Variants in NRXN3 observed in about 807,000 individuals in gnomAD.
NRXN3 encodes neurexin III.
In NRXN3, 32 loss-of-function variants were observed where a neutral mutation model predicts 137.6. The observed-to-expected ratio is 0.23, with a 90% confidence interval of 0.18 to 0.31. NRXN3 has a LOEUF of 0.31. Among genes scored for constraint, NRXN3 ranks in the 10% least tolerant of loss-of-function variants. NRXN3 has a pLI of 1.00. For synonymous variants in NRXN3, 798 were observed against 784.5 expected, an observed-to-expected ratio of 1.02 and a Z score of -0.29; for missense variants, 1,574 against 2,062.5, an observed-to-expected ratio of 0.76 and a Z score of 4.59.
chr14:79,674,295 A>G (rs896395297), intron 17 of NRXN3, among the ~76,000 whole-genome samples: 1 of 151,976 alleles, frequency 6.6e-6, no homozygotes, highest in African/African-American at 2.4e-5. Flanking sequence ...GGGATGATTG[A>G]TAGGCAAAAA....
intron 10 of NRXN3, among the ~76,000 whole-genome samples, chr14:78,901,507 G>C (rs1412175023): frequency 6.6e-6 from 1 of 151,770 alleles, no homozygotes; most frequent in African/African-American, 2.4e-5. Flanking sequence ...ATGTGACCTG[G>C]GTAAAACATA....
intron 10 of NRXN3, among the ~76,000 whole-genome samples, chr14:78,897,741 T>C (rs1443426491): frequency 3.3e-5 from 5 of 151,956 alleles, no homozygotes; most frequent in African/African-American, 1.2e-4. Flanking sequence ...TTCTTGCACC[T>C]ATAAATTATT....
chr14:78,464,219 AT>A (rs1180282846), intron 4 of NRXN3, among the ~76,000 whole-genome samples: 3 of 151,446 alleles, frequency 2.0e-5, no homozygotes, highest in African/African-American at 7.3e-5. Flanking sequence ...TGTCCAGCTA[AT>A]TTTTTTTGTA....
chr14:79,239,679 G>C (rs141427594), intron 15 of NRXN3, among the ~76,000 whole-genome samples: 4 of 152,114 alleles, frequency 2.6e-5, no homozygotes, highest in African/African-American at 9.7e-5. Flanking sequence ...TGAAATCAGC[G>C]TGTCTAAATG....
At chr14:79,119,034 A>G (rs1033901454) in intron 15 of NRXN3, among the ~76,000 whole-genome samples, 7 of 152,202 alleles carry the variant, frequency 4.6e-5, no homozygotes, top group Admixed American at 2.0e-4. Flanking sequence ...ATATCTGAAG[A>G]CCAAAACTTT....
rs116040268 is a variant in NRXN3 at position 79,385,714 on chromosome 14, C to A, written c.3263-81507C>A. 7.8e-3 allele frequency among the ~76,000 whole-genome samples: 1,187 copies of A among 152,216 alleles called. 17 individuals carry two copies. Among genetic ancestry groups the A allele is most frequent in the African/African-American group, 0.026 (1,082 of 41,536 alleles). On this transcript the variant is annotated intron_variant, in intron 15 of 20. Coordinates refer to ENST00000335750, the MANE Select transcript of NRXN3 (RefSeq NM_001330195.2). ...CATTTACCTATATAACAAACCTGCA[C>A]ATAGTGTACATGTACCCCTGAACTT...
chr14:78,805,047 A>G (rs1382175420), intron 9 of NRXN3, among the ~76,000 whole-genome samples: 2 of 152,220 alleles, frequency 1.3e-5, no homozygotes, highest in Non-Finnish European at 2.9e-5. Context: ...TTTTGAATCC[A>G]TACCAATCTT....
intron 4 of NRXN3, among the ~76,000 whole-genome samples, chr14:78,575,846 G>T (rs1336772090): frequency 3.3e-5 from 5 of 152,138 alleles, no homozygotes; most frequent in African/African-American, 1.2e-4. Flanking sequence ...ACCAAAGCAA[G>T]ATGTTCAGGA....
chr14:78,797,517 T>A (rs2098825724), intron 8 of NRXN3, among the ~76,000 whole-genome samples: 1 of 152,182 alleles, frequency 6.6e-6, no homozygotes, highest in Non-Finnish European at 1.5e-5. Flanking sequence ...ATTCATCAAG[T>A]AGATAATAAA....
chr14:78,552,539 G>A (rs773788798), intron 4 of NRXN3, among the ~76,000 whole-genome samples: 13 of 152,130 alleles, frequency 8.5e-5, no homozygotes, highest in Non-Finnish European at 1.3e-4. Flanking sequence ...GATGGTGCAC[G>A]CCTGTAGCCC....
chr14:79,738,315 CCACACACACACA>C (rs10539564), intron 19 of NRXN3, among the ~76,000 whole-genome samples: 30 of 138,052 alleles, frequency 2.2e-4, no homozygotes, highest in African/African-American at 6.3e-4. Flanking sequence ...ATTTCCCCCG[CCACACACACACA>C]CACACACACA....
intron 1 of NRXN3, among the ~76,000 whole-genome samples, chr14:78,215,220 C>T (rs1341688885): frequency 6.6e-6 from 1 of 152,148 alleles, no homozygotes; most frequent in African/African-American, 2.4e-5. Context: ...TCCCCCTGAC[C>T]CTGTAGATGA....
intron 20 of NRXN3, among the ~76,000 whole-genome samples, chr14:79,808,256 ATAT>A (rs1395069182): frequency 0.024 from 2,521 of 104,890 alleles, 71 homozygotes; most frequent in African/African-American, 0.096. Flanking sequence ...AAAAAAAAAA[ATAT>A]ATATATATAT....
chr14:79,429,353 A>G (rs2095708733), intron 15 of NRXN3, among the ~76,000 whole-genome samples: 1 of 152,220 alleles, frequency 6.6e-6, no homozygotes, highest in African/African-American at 2.4e-5. Flanking sequence ...TGGAGTCATC[A>G]GTAAGAATGT....
intron 19 of NRXN3, among the ~76,000 whole-genome samples, chr14:79,702,186 C>T (rs2098757134): frequency 1.3e-5 from 2 of 152,086 alleles, no homozygotes; most frequent in Admixed American, 1.3e-4. Flanking sequence ...CACCTCACTA[C>T]CCATCTTTAA....
chr14:79,407,144 A>G (rs1472336240), intron 15 of NRXN3, among the ~76,000 whole-genome samples: 1 of 152,122 alleles, frequency 6.6e-6, no homozygotes. Context: ...GTGAATTTAT[A>G]GGGAGATTCT....
At chr14:78,944,007 G>A (rs769771571) in intron 10 of NRXN3, among the ~76,000 whole-genome samples, 10 of 151,996 alleles carry the variant, frequency 6.6e-5, no homozygotes, top group Non-Finnish European at 8.8e-5. Flanking sequence ...ACATTCCAGA[G>A]TTTCCTTGTG....
chr14:79,782,197 T>C (rs1171183968), intron 19 of NRXN3, among the ~76,000 whole-genome samples: 1 of 152,218 alleles, frequency 6.6e-6, no homozygotes, highest in East Asian at 1.9e-4. Context: ...TAATTACAGG[T>C]TGACTAATAT....
intron 4 of NRXN3, among the ~76,000 whole-genome samples, chr14:78,598,996 G>T (rs1369965057): frequency 2.6e-5 from 4 of 152,148 alleles, no homozygotes; most frequent in African/African-American, 9.7e-5. Context: ...TTCTTAGTAG[G>T]GTCTTCTTAC....
Sources: gnomAD v4.1 joint callset for allele counts (sites outside exome capture counted in the v4.1 genomes callset) on GRCh38, gnomAD v4.1.1 for gene constraint, MANE v1.5 for transcripts, NCBI Gene and HGNC (gene_info 2026-07-23, HGNC 2026-07-21) for gene names.